The following CHP1 variants were observed in gnomAD, a reference collection of about 807,000 sequenced individuals.
CHP1 encodes the protein calcineurin B homologous protein 1.
A neutral mutation model predicts 27.4 loss-of-function variants in CHP1; 11 were observed. The observed-to-expected ratio is 0.40, with a 90% CI of 0.25 to 0.67. The LOEUF is 0.67. Among genes scored for constraint, CHP1 ranks in the 30% least tolerant of loss-of-function variants. CHP1 has a pLI of 0.38. For synonymous variants in CHP1, 89 were observed against 87.4 expected, an observed-to-expected ratio of 1.02 and a Z score of -0.10; for missense variants, 169 against 251.3, an observed-to-expected ratio of 0.67 and a Z score of 2.22.
intron 1 of CHP1, among the ~76,000 whole-genome samples, chr15:41,241,724 C>T (rs1157333253): frequency 2.6e-5 from 4 of 152,224 alleles, no homozygotes; most frequent in Non-Finnish European, 5.9e-5. Context: ...GAAGAATTCA[C>T]AGCCACACAT....
chr15:41,262,613 C>G (rs1294066771), intron 3 of CHP1, 143 bp from the exon 4 acceptor site: 2 of 1,041,594 alleles, frequency 1.9e-6, no homozygotes, highest in African/African-American at 3.2e-5. Context: ...ACTGTGAGTC[C>G]CAAAGTACCA....
At position 41,246,698 on chromosome 15, in the gene CHP1, G is replaced by A. The variant is rs1255065254; in HGVS notation, c.140+2959G>A. On this transcript the variant is annotated intron_variant, in intron 2 of 6. Transcript: ENST00000334660. ...CCCATGGTCTCGATATCCTGACCTCGTGATGCACCTGCCTGGCTAACGCAG... is the reference window on the plus strand; with the variant it reads ...CCCATGGTCTCGATATCCTGACCTCATGATGCACCTGCCTGGCTAACGCAG... Among the ~76,000 whole-genome samples the A allele has an allele frequency of 6.1e-5, 8 of 130,502 alleles. No individual in the cohort carries two copies. In the South Asian group the frequency reaches 7.3e-4, roughly 12 times the overall value. The allele number at this position is 130,502 out of a possible 152,430, so 85.6% of individuals were successfully genotyped here. A position where few individuals can be genotyped will look rare whatever the true frequency, so the allele number is the denominator to read the frequency against.
chr15:41,235,245 G>A (rs1261171309), intron 1 of CHP1, among the ~76,000 whole-genome samples: 8 of 134,822 alleles, frequency 5.9e-5, no homozygotes, highest in South Asian at 2.3e-4. Context: ...GAGGCCAGGC[G>A]CAGTGGCTCA....
At chr15:41,249,036 T>A (rs928564718) in intron 2 of CHP1, among the ~76,000 whole-genome samples, 1 of 152,152 alleles carries the variant, frequency 6.6e-6, no homozygotes. Context: ...AACTCTTCTC[T>A]AGTAGAATGA....
At chr15:41,247,043 T>A (rs1028334276) in intron 2 of CHP1, among the ~76,000 whole-genome samples, 1 of 150,838 alleles carries the variant, frequency 6.6e-6, no homozygotes, top group African/African-American at 2.4e-5. Context: ...TTGAAAACTT[T>A]CCAGGCGTCA....
chr15:41,232,705 G>A (rs1181348771), intron 1 of CHP1, among the ~76,000 whole-genome samples: 2 of 152,080 alleles, frequency 1.3e-5, no homozygotes, highest in African/African-American at 4.8e-5. Context: ...TTCTTATTGA[G>A]TTAATGAAGG....
At chr15:41,239,396 T>C (rs1025621486) in intron 1 of CHP1, among the ~76,000 whole-genome samples, 3 of 151,976 alleles carry the variant, frequency 2.0e-5, no homozygotes, top group African/African-American at 7.3e-5. Flanking sequence ...TTTTTTGTTA[T>C]CGTTTGTTTT....
intron 4 of CHP1, among the ~76,000 whole-genome samples, chr15:41,270,117 A>G (rs1166997189): frequency 6.6e-6 from 1 of 152,040 alleles, no homozygotes; most frequent in African/African-American, 2.4e-5. Flanking sequence ...ATTTGAGACA[A>G]TTTTGCCCAG....
intron 4 of CHP1, among the ~76,000 whole-genome samples, chr15:41,269,901 C>T (rs1407144928): frequency 2.0e-5 from 3 of 152,096 alleles, no homozygotes; most frequent in African/African-American, 7.2e-5. Flanking sequence ...TCTTGGTAGC[C>T]CTTCAGCAAC....
intron 5 of CHP1, among the ~76,000 whole-genome samples, chr15:41,271,111 C>A (rs1270057257): frequency 6.6e-6 from 1 of 151,846 alleles, no homozygotes; most frequent in East Asian, 1.9e-4. Context: ...AAAAATTAGC[C>A]GGGTGTGGTG....
intron 6 of CHP1, 51 bp downstream of exon 6, chr15:41,278,940 C>T (rs776377737): frequency 1.2e-5 from 19 of 1,607,752 alleles, no homozygotes; most frequent in African/African-American, 9.4e-5. Context: ...TGGCTGGGCG[C>T]GGTGGCTTAC....
intron 5 of CHP1, among the ~76,000 whole-genome samples, chr15:41,274,312 C>T (rs2047507898): frequency 1.3e-5 from 2 of 152,164 alleles, no homozygotes; most frequent in Admixed American, 6.5e-5. Context: ...AGAGGGAGCA[C>T]TGAGCTGGGA....
intron 3 of CHP1, 150 bp downstream of exon 3, chr15:41,257,140 A>G: frequency 1.6e-6 from 1 of 613,898 alleles, no homozygotes; most frequent in Non-Finnish European, 2.9e-6. Context: ...TTTCTAGAAT[A>G]TCTCTTCTGT....
chr15:41,273,383 A>G (rs2047501079), intron 5 of CHP1, among the ~76,000 whole-genome samples: 1 of 151,976 alleles, frequency 6.6e-6, no homozygotes. Flanking sequence ...TTATTTACTT[A>G]TTTATCTTTT....
chr15:41,264,380 A>C (rs1250590790), intron 4 of CHP1: 2 of 341,994 alleles, frequency 5.8e-6, no homozygotes, highest in Non-Finnish European at 5.6e-6. Flanking sequence ...GAAATGGCAG[A>C]CTTCAGGATG....
chr15:41,245,455 T>G (rs1341301435), intron 2 of CHP1, among the ~76,000 whole-genome samples: 1 of 152,236 alleles, frequency 6.6e-6, no homozygotes, highest in Non-Finnish European at 1.5e-5. Flanking sequence ...TATTCCAGCC[T>G]GGGCGACAGA....
chr15:41,274,508 C>G (rs2047508937), intron 5 of CHP1, among the ~76,000 whole-genome samples: 1 of 152,094 alleles, frequency 6.6e-6, no homozygotes, highest in African/African-American at 2.4e-5. Context: ...CTGGCCTTAG[C>G]CTTCCAAGTA....
At chr15:41,244,222 C>A (rs2047322180) in intron 2 of CHP1, among the ~76,000 whole-genome samples, 1 of 150,844 alleles carries the variant, frequency 6.6e-6, no homozygotes, top group Non-Finnish European at 1.5e-5. Context: ...AACAGCGGAA[C>A]TATGACAATT....
intron 1 of CHP1, among the ~76,000 whole-genome samples, chr15:41,234,853 T>C (rs949473349): frequency 3.3e-5 from 5 of 152,220 alleles, no homozygotes; most frequent in Non-Finnish European, 7.3e-5. Flanking sequence ...GTACTAGTTA[T>C]AAAAACTATG....
Sources: allele counts gnomAD v4.1 joint callset (sites outside exome capture counted in the v4.1 genomes callset), GRCh38; gene constraint gnomAD v4.1.1; transcripts MANE v1.5; gene names NCBI Gene and HGNC (gene_info 2026-07-23, HGNC 2026-07-21).